Variants in NKAIN3 observed in about 807,000 individuals in gnomAD.
The protein encoded by NKAIN3 is sodium/potassium-transporting ATPase subunit beta-1-interacting protein 3.
In NKAIN3, 25 loss-of-function variants were observed where a neutral mutation model predicts 30.2. That is an observed-to-expected ratio of 0.83 (90% CI 0.60 to 1.16). The LOEUF is 1.16. Ranked by LOEUF, NKAIN3 falls within the 50% of genes most tolerant of loss-of-function variation. NKAIN3 has a pLI of 0.00. For synonymous variants in NKAIN3, 91 were observed against 89.6 expected (o/e 1.02, Z -0.09); for missense variants, 225 against 254.1 (o/e 0.89, Z 0.78).
At chr8:62,295,249 G>A (rs1413861593) in intron 1 of NKAIN3, among the ~76,000 whole-genome samples, 1 of 152,154 alleles carries the variant, frequency 6.6e-6, no homozygotes. Flanking sequence ...GCAGATTATA[G>A]TAGACCTCTG....
chr8:62,378,034 A>G (rs1817149449), intron 1 of NKAIN3, among the ~76,000 whole-genome samples: 1 of 152,188 alleles, frequency 6.6e-6, no homozygotes. Context: ...GAAAATGTAG[A>G]AAAGTTGGGA....
intron 1 of NKAIN3, among the ~76,000 whole-genome samples, chr8:62,349,953 A>G (rs1453797406): frequency 6.6e-6 from 1 of 152,180 alleles, no homozygotes; most frequent in Admixed American, 6.5e-5. Context: ...GTCTTGACAA[A>G]TTACTGTTTA....
At chr8:62,703,017 A>G (rs1247418022) in intron 3 of NKAIN3, among the ~76,000 whole-genome samples, 3 of 152,206 alleles carry the variant, frequency 2.0e-5, no homozygotes, top group Non-Finnish European at 2.9e-5. Context: ...GTTTACACCC[A>G]TATGTCATTC....
At chr8:62,547,701 G>A (rs982686358) in intron 1 of NKAIN3, among the ~76,000 whole-genome samples, 1 of 152,166 alleles carries the variant, frequency 6.6e-6, no homozygotes, top group South Asian at 2.1e-4. Context: ...ACTTCCAGCA[G>A]CATTTAGATA....
At chr8:62,755,748 A>G (rs1302240678) in intron 4 of NKAIN3, among the ~76,000 whole-genome samples, 1 of 152,146 alleles carries the variant, frequency 6.6e-6, no homozygotes, top group Non-Finnish European at 1.5e-5. Flanking sequence ...TGACTTACTC[A>G]CTATACACCA....
rs1376716417 is a variant in NKAIN3 at position 62,972,526 on chromosome 8, C to G, written c.*7119C>G. 6.6e-6 allele frequency among the ~76,000 whole-genome samples: 1 copy of G among 151,988 alleles called. No homozygotes were observed. ...AACTTCCCAAGATTTTTTTGTCTCT[C>G]TCTGAATCAAGTTCGTCGTCTATTT... On this transcript the variant is annotated 3_prime_UTR_variant, in exon 7 of 7. Coordinates refer to ENST00000623646, the MANE Select transcript of NKAIN3 (RefSeq NM_001304533.3).
At chr8:62,376,582 G>A (rs1183461238) in intron 1 of NKAIN3, among the ~76,000 whole-genome samples, 1 of 152,158 alleles carries the variant, frequency 6.6e-6, no homozygotes, top group Non-Finnish European at 1.5e-5. Context: ...ATCTTGGCCT[G>A]TCTACCTTGC....
chr8:62,648,319 G>T (rs546428973), intron 3 of NKAIN3, among the ~76,000 whole-genome samples: 1 of 152,176 alleles, frequency 6.6e-6, no homozygotes, highest in East Asian at 1.9e-4. Flanking sequence ...AGTGGGTGTT[G>T]TCTCTCTAGA....
At chr8:62,729,051 A>AAAAAAAAAAAAAAAAAAAAAAAAAAAAC (rs1815381968) in intron 3 of NKAIN3, among the ~76,000 whole-genome samples, 1 of 143,858 alleles carries the variant, frequency 7.0e-6, no homozygotes, top group Non-Finnish European at 1.5e-5. Flanking sequence ...AAAAAAAAAA[A>AAAAAAAAAAAAAAAAAAAAAAAAAAAAC]ACCTCCTGCT....
intron 1 of NKAIN3, among the ~76,000 whole-genome samples, chr8:62,507,376 A>G (rs567242016): frequency 7.2e-5 from 11 of 152,288 alleles, no homozygotes; most frequent in African/African-American, 2.4e-4. Context: ...CACTCATTAA[A>G]TGTTTATTAT....
At chr8:62,496,121 G>A (rs1367166941) in intron 1 of NKAIN3, among the ~76,000 whole-genome samples, 1 of 152,060 alleles carries the variant, frequency 6.6e-6, no homozygotes, top group Non-Finnish European at 1.5e-5. Flanking sequence ...TTAATGATGT[G>A]CATCATGGCC....
At chr8:62,280,213 C>T (rs1813130514) in intron 1 of NKAIN3, among the ~76,000 whole-genome samples, 7 of 152,056 alleles carry the variant, frequency 4.6e-5, no homozygotes, top group Admixed American at 4.6e-4. Context: ...GTGATTTTTG[C>T]ACGTTGATTT....
chr8:62,709,859 G>A (rs1020249016), intron 3 of NKAIN3, among the ~76,000 whole-genome samples: 1 of 151,910 alleles, frequency 6.6e-6, no homozygotes, highest in Admixed American at 6.6e-5. Context: ...AGGCATTTAG[G>A]GCTATGAACT....
At chr8:62,451,981 G>T (rs1200228868) in intron 1 of NKAIN3, among the ~76,000 whole-genome samples, 6 of 152,094 alleles carry the variant, frequency 3.9e-5, no homozygotes, top group Non-Finnish European at 8.8e-5. Context: ...TATATCAATA[G>T]GTAGTTGTAA....
intron 1 of NKAIN3, among the ~76,000 whole-genome samples, chr8:62,462,368 C>A (rs191051704): frequency 2.0e-5 from 3 of 152,290 alleles, no homozygotes; most frequent in African/African-American, 7.2e-5. Flanking sequence ...ATATAATTCA[C>A]AATGCACCGA....
intron 3 of NKAIN3, among the ~76,000 whole-genome samples, chr8:62,695,471 C>G (rs1814126618): frequency 1.3e-5 from 2 of 152,104 alleles, no homozygotes; most frequent in Non-Finnish European, 2.9e-5. Flanking sequence ...AATAATGAGG[C>G]AGAAAATTGT....
At chr8:62,280,653 T>C (rs1261346125) in intron 1 of NKAIN3, among the ~76,000 whole-genome samples, 2 of 152,182 alleles carry the variant, frequency 1.3e-5, no homozygotes, top group African/African-American at 2.4e-5. Flanking sequence ...TTGTCTTTGG[T>C]TCTGTTTATA....
chr8:62,321,810 C>T (rs1814925688), intron 1 of NKAIN3, among the ~76,000 whole-genome samples: 1 of 152,190 alleles, frequency 6.6e-6, no homozygotes, highest in Non-Finnish European at 1.5e-5. Context: ...TGTCCATTCT[C>T]AGATCTCCAG....
chr8:62,559,179 T>C (rs1214949617), intron 1 of NKAIN3, among the ~76,000 whole-genome samples: 3 of 152,058 alleles, frequency 2.0e-5, no homozygotes, highest in African/African-American at 7.2e-5. Flanking sequence ...TCTAGTTGTT[T>C]GATTATATTG....
Sources: gnomAD v4.1 joint callset for allele counts (sites outside exome capture counted in the v4.1 genomes callset) on GRCh38, gnomAD v4.1.1 for gene constraint, MANE v1.5 for transcripts, NCBI Gene and HGNC (gene_info 2026-07-23, HGNC 2026-07-21) for gene names.